TTLL7: variants seen among roughly 807,000 people sequenced by gnomAD.
The protein encoded by TTLL7 is tubulin polyglutamylase TTLL7.
A neutral mutation model predicts 120.2 loss-of-function variants in TTLL7; 53 were observed. The observed-to-expected ratio is 0.44, with a 90% CI of 0.35 to 0.55. The LOEUF (loss-of-function observed/expected upper bound fraction) is 0.55. Among genes scored for constraint, TTLL7 ranks in the 20% least tolerant of loss-of-function variants. The probability of loss-of-function intolerance (pLI) is 0.00; values close to 1 mark genes in which losing one functional copy is unlikely to be tolerated. For synonymous variants in TTLL7, 353 were observed against 351.7 expected, an observed-to-expected ratio of 1.00 and a Z score of -0.04; for missense variants, 803 against 1,054.7, an observed-to-expected ratio of 0.76 and a Z score of 3.31.
intron 20 of TTLL7, among the ~76,000 whole-genome samples, chr1:83,877,042 CTCA>C (rs1261759586): frequency 6.6e-6 from 1 of 151,942 alleles, no homozygotes; most frequent in African/African-American, 2.4e-5. Context: ...CTTAGTTATC[CTCA>C]TCAAACTGGA....
chr1:83,987,452 C>T (rs535228402), intron 1 of TTLL7, among the ~76,000 whole-genome samples: 1 of 151,920 alleles, frequency 6.6e-6, no homozygotes, highest in Non-Finnish European at 1.5e-5. Flanking sequence ...CAAAATTCTA[C>T]ATTAGATAGA....
chr1:83,896,316 C>T (rs1187363795), intron 18 of TTLL7, among the ~76,000 whole-genome samples: 1 of 151,956 alleles, frequency 6.6e-6, no homozygotes, highest in Non-Finnish European at 1.5e-5. Flanking sequence ...CAGTCAATGA[C>T]AACATTAATA....
At chr1:83,932,376 A>G (rs1659665986) in intron 9 of TTLL7, among the ~76,000 whole-genome samples, 1 of 152,216 alleles carries the variant, frequency 6.6e-6, no homozygotes, top group African/African-American at 2.4e-5. Context: ...TGAAGGGTCC[A>G]TAGTGCATAG....
At chr1:83,942,333 C>A in intron 7 of TTLL7, 130 bp downstream of exon 7, 1 of 675,132 alleles carries the variant, frequency 1.5e-6, no homozygotes, top group Non-Finnish European at 2.4e-6. Flanking sequence ...TTTATGTACA[C>A]AATTCTTCCA....
At chr1:83,992,739 G>A (rs572996760) in intron 1 of TTLL7, among the ~76,000 whole-genome samples, 1 of 148,298 alleles carries the variant, frequency 6.7e-6, no homozygotes, top group African/African-American at 2.5e-5. Context: ...AAATGAAAAT[G>A]CCCCCATCTG....
chr1:83,869,716 A>T lies in TTLL7; in HGVS notation c.*246T>A, dbSNP rs1283688422. 4 of 233,888 alleles carry T rather than the reference A, an allele frequency of 1.7e-5. No individual in the cohort carries two copies. Among genetic ancestry groups the T allele is most frequent in the Non-Finnish European group, 3.2e-5 (4 of 123,736 alleles). The allele number at this position is 233,888 out of a possible 1,614,324, so 14.5% of individuals were successfully genotyped here. Reference sequence around the variant, plus strand: ...TCACATATTTGTGTAAACAATTTTAACATGGTTTATTACGTTTCCAGAAAG... The same window carrying T: ...TCACATATTTGTGTAAACAATTTTATCATGGTTTATTACGTTTCCAGAAAG... On this transcript the variant is annotated 3_prime_UTR_variant, in exon 21 of 21. Transcript: ENST00000260505.
intron 9 of TTLL7, among the ~76,000 whole-genome samples, chr1:83,932,713 T>C (rs1557673759): frequency 1.3e-5 from 2 of 152,294 alleles, no homozygotes; most frequent in South Asian, 4.1e-4. Flanking sequence ...TTCTAACTTA[T>C]AAATCACTAA....
rs967444722 is a variant in TTLL7, at chr1:83,865,450, T to A, written c.*4512A>T. 1 of 152,144 alleles carries A rather than the reference T, an allele frequency of 6.6e-6. No individual in the cohort carries two copies. Among genetic ancestry groups the A allele is most frequent in the East Asian group, 1.9e-4 (1 of 5,186 alleles). 9.4% of individuals were successfully genotyped at this position (152,144 alleles called of 1,614,324 possible). A position where few individuals can be genotyped will look rare whatever the true frequency, so the allele number is the denominator to read the frequency against. ...TTAGGAACTATTGGTCCATTGATTG[T>A]ACCTGTAGATAATACAGCGCAGTTA... On this transcript the variant is annotated 3_prime_UTR_variant, in exon 21 of 21. Coordinates refer to ENST00000260505, the MANE Select transcript of TTLL7 (RefSeq NM_024686.6).
intron 19 of TTLL7, among the ~76,000 whole-genome samples, chr1:83,885,909 T>A (rs1240261167): frequency 1.3e-5 from 2 of 152,090 alleles, no homozygotes; most frequent in Non-Finnish European, 2.9e-5. Context: ...ATCTACCTGC[T>A]TTTTGAACCT....
chr1:83,904,070 A>C lies in TTLL7; in HGVS notation c.2208+9T>G. 6.2e-7 allele frequency: 1 copy of C among 1,609,214 alleles called. No individual in the cohort carries two copies. The highest frequency in any genetic ancestry group is 8.5e-7 in the Non-Finnish European group (1 of 1,176,746). On this transcript the variant is annotated intron_variant, in intron 18 of 20. Transcript: ENST00000260505. ...AAGAGGGAAAAAACTTGTTTTGAGC[A>C]TTACTCACTTTTCGTTGTTTTACAG...
At chr1:83,944,516 G>A (rs764197223) in intron 6 of TTLL7, among the ~76,000 whole-genome samples, 30 of 151,996 alleles carry the variant, frequency 2.0e-4, no homozygotes, top group Non-Finnish European at 3.7e-4. Context: ...AGATCAGCCT[G>A]GCCAACATGG....
chr1:83,943,675 G>T (rs930911347), intron 6 of TTLL7, among the ~76,000 whole-genome samples: 15 of 152,286 alleles, frequency 9.8e-5, no homozygotes, highest in African/African-American at 3.4e-4. Context: ...TAGAGGGGGA[G>T]AGTCTAATTT....
Position 83,933,656 on chromosome 1 carries a change from C to T in TTLL7, c.999G>A (p.Leu333=). 2 of 1,613,716 alleles carry T rather than the reference C, an allele frequency of 1.2e-6. No homozygotes were observed. Among genetic ancestry groups the T allele is most frequent in the Non-Finnish European group, 1.7e-6 (2 of 1,179,744 alleles). Residue 333 remains leucine, a synonymous_variant, in exon 9 of 21, where the codon CTG becomes CTA. Transcript: ENST00000260505. ...PGSESVCFEV[L]GFDILLDRKL... ...TTCTATCCAACAAAATATCAAATCCCAGGACTTCAAAGCAGACACTTTCGC... is the reference window on the plus strand; with the variant it reads ...TTCTATCCAACAAAATATCAAATCCTAGGACTTCAAAGCAGACACTTTCGC...
chr1:83,874,879 A>G (rs1406715623), intron 20 of TTLL7, among the ~76,000 whole-genome samples: 4 of 152,006 alleles, frequency 2.6e-5, no homozygotes, highest in Non-Finnish European at 4.4e-5. Context: ...TGAATGAAAT[A>G]TTATTTATAA....
chr1:83,899,813 G>C (rs1656564636), intron 18 of TTLL7, among the ~76,000 whole-genome samples: 1 of 151,878 alleles, frequency 6.6e-6, no homozygotes, highest in African/African-American at 2.4e-5. Flanking sequence ...CCTCACATTA[G>C]TGCTTCCACT....
At chr1:83,910,118 T>G (rs1047232631) in intron 15 of TTLL7, among the ~76,000 whole-genome samples, 2 of 152,200 alleles carry the variant, frequency 1.3e-5, no homozygotes, top group African/African-American at 2.4e-5. Context: ...AGCACATTTC[T>G]TTAGAGAATA....
chr1:83,967,974 G>C (rs184787558), intron 1 of TTLL7, among the ~76,000 whole-genome samples: 2 of 151,940 alleles, frequency 1.3e-5, no homozygotes, highest in South Asian at 2.1e-4. Context: ...ATTGAACCTG[G>C]GGTAAGAACA....
intron 10 of TTLL7, among the ~76,000 whole-genome samples, chr1:83,927,338 T>TAAGCCA (rs1246663193): frequency 6.6e-6 from 1 of 152,136 alleles, no homozygotes; most frequent in African/African-American, 2.4e-5. Flanking sequence ...AACAAAGTGA[T>TAAGCCA]AAGCCATATA....
rs1656996160 is a variant in TTLL7, at chr1:83,904,243, T to C, written c.2128-84A>G. 4.1e-6 allele frequency: 4 copies of C among 974,546 alleles called. No individual in the cohort carries two copies. The East Asian group carries it at 1.0e-4, about 24-fold the overall frequency. 60.4% of individuals were successfully genotyped at this position (974,546 alleles called of 1,614,324 possible). On this transcript the variant is annotated intron_variant, in intron 17 of 20. Coordinates refer to ENST00000260505, the MANE Select transcript of TTLL7 (RefSeq NM_024686.6). The stretch of plus-strand genomic sequence containing the variant: ...TTTGTGTAATGAAAGCACTATAATA[T>C]ACTTGCAACAAATAATGCCAACTTT...
Sources: allele counts gnomAD v4.1 joint callset (sites outside exome capture counted in the v4.1 genomes callset), GRCh38; gene constraint gnomAD v4.1.1; transcripts MANE v1.5; gene names NCBI Gene and HGNC (gene_info 2026-07-23, HGNC 2026-07-21).